The following TNPO1 variants were observed in gnomAD, a reference collection of about 807,000 sequenced individuals.
The protein encoded by TNPO1 is transportin-1.
Under a neutral mutation model 119.5 loss-of-function variants are expected in TNPO1, and 8 were observed. The observed-to-expected ratio is 0.07, with a 90% CI of 0.04 to 0.12. The LOEUF (loss-of-function observed/expected upper bound fraction) is 0.12. TNPO1 is among the 10% of genes least tolerant of loss of function. The pLI is 1.00. For synonymous variants in TNPO1, 362 were observed against 363.0 expected (o/e 1.00, Z 0.03); for missense variants, 576 against 1,089.8 (o/e 0.53, Z 6.64).
rs191295262 is a variant in TNPO1, at chr5:72,908,857, A to G, written c.*184A>G. The G allele has an allele frequency of 1.9e-4, 85 of 453,834 alleles. No homozygotes were observed. In the East Asian group the frequency reaches 5.7e-3, roughly 30 times the overall value. The allele number at this position is 453,834 out of a possible 1,614,324, so 28.1% of individuals were successfully genotyped here. On this transcript the variant is annotated 3_prime_UTR_variant, in exon 25 of 25. Coordinates refer to ENST00000337273, the MANE Select transcript of TNPO1 (RefSeq NM_002270.4). ...AGGGAGGTGTTGCCGTCACTGTATTAAGTCGATGTTGGGAAACGTTTTAAC... is the reference window on the plus strand; with the variant it reads ...AGGGAGGTGTTGCCGTCACTGTATTGAGTCGATGTTGGGAAACGTTTTAAC...
intron 3 of TNPO1, among the ~76,000 whole-genome samples, chr5:72,852,730 T>G (rs1230971370): frequency 3.3e-5 from 5 of 152,240 alleles, no homozygotes; most frequent in Non-Finnish European, 7.3e-5. Flanking sequence ...TCTTGCACGG[T>G]GATTTCTTTT....
At chr5:72,906,158 A>G (rs2112508497) in intron 24 of TNPO1, among the ~76,000 whole-genome samples, 1 of 152,002 alleles carries the variant, frequency 6.6e-6, no homozygotes, top group South Asian at 2.1e-4. Flanking sequence ...TGCTGTAACA[A>G]GGACTTTTCA....
At chr5:72,870,808 C>T (rs1330860823) in intron 6 of TNPO1, among the ~76,000 whole-genome samples, 1 of 152,052 alleles carries the variant, frequency 6.6e-6, no homozygotes, top group Non-Finnish European at 1.5e-5. Flanking sequence ...AAAAAAAATG[C>T]AAGTTAAAAG....
chr5:72,886,610 T>C (rs981482376), intron 11 of TNPO1, among the ~76,000 whole-genome samples: 3 of 152,052 alleles, frequency 2.0e-5, no homozygotes, highest in African/African-American at 7.2e-5. Flanking sequence ...TAATAGAAAA[T>C]GTTTTTGGCT....
chr5:72,852,329 C>T lies in TNPO1; in HGVS notation c.205+1010C>T, dbSNP rs146335227. Among the ~76,000 whole-genome samples, 676 of 152,152 alleles carry T rather than the reference C, an allele frequency of 4.4e-3. 5 individuals carry two copies. Among genetic ancestry groups the T allele is most frequent in the Admixed American group, 5.0e-3 (76 of 15,274 alleles). On this transcript the variant is annotated intron_variant, in intron 3 of 24. Transcript: ENST00000337273. Reference sequence around the variant, plus strand: ...CATTATTTCATAAATATTTATGGAGCGCCATCTCTGCCATGCAATTTACAG... The same window carrying T: ...CATTATTTCATAAATATTTATGGAGTGCCATCTCTGCCATGCAATTTACAG...
chr5:72,820,073 A>AT (rs1009236514), intron 1 of TNPO1, among the ~76,000 whole-genome samples: 6 of 152,036 alleles, frequency 3.9e-5, no homozygotes, highest in Non-Finnish European at 7.4e-5. Context: ...AGTTTATTGG[A>AT]TTTTTTTCAC....
At chr5:72,886,264 A>G (rs1198668959) in intron 11 of TNPO1, among the ~76,000 whole-genome samples, 3 of 152,184 alleles carry the variant, frequency 2.0e-5, no homozygotes, top group African/African-American at 7.2e-5. Context: ...AGTATTTTCT[A>G]GCATGCGTTA....
intron 1 of TNPO1, among the ~76,000 whole-genome samples, chr5:72,842,203 G>A (rs1004962745): frequency 2.6e-5 from 4 of 152,094 alleles, no homozygotes; most frequent in African/African-American, 9.7e-5. Flanking sequence ...TCACCACAAA[G>A]GTATCAAAAT....
chr5:72,870,577 G>A (rs529000186), intron 6 of TNPO1, among the ~76,000 whole-genome samples: 1 of 152,154 alleles, frequency 6.6e-6, no homozygotes, highest in African/African-American at 2.4e-5. Context: ...GTAAATGGTA[G>A]CATTTAAGTT....
intron 1 of TNPO1, among the ~76,000 whole-genome samples, chr5:72,836,639 C>T (rs2112205497): frequency 6.6e-6 from 1 of 152,308 alleles, no homozygotes; most frequent in South Asian, 2.1e-4. Context: ...TACTAATCTC[C>T]TTATCAAACA....
At chr5:72,869,864 G>T (rs1747246076) in intron 6 of TNPO1, among the ~76,000 whole-genome samples, 1 of 152,120 alleles carries the variant, frequency 6.6e-6, no homozygotes, top group African/African-American at 2.4e-5. Flanking sequence ...TAATTATTCT[G>T]CCTTTGTTAT....
At chr5:72,886,818 G>A (rs1452493538) in intron 11 of TNPO1, among the ~76,000 whole-genome samples, 1 of 146,994 alleles carries the variant, frequency 6.8e-6, no homozygotes, top group Non-Finnish European at 1.5e-5. Context: ...GAACCTGGGA[G>A]GCAGAGGTTG....
intron 6 of TNPO1, among the ~76,000 whole-genome samples, chr5:72,869,776 C>T (rs1747237946): frequency 6.6e-6 from 1 of 152,142 alleles, no homozygotes; most frequent in South Asian, 2.1e-4. Context: ...ATTCATTCTT[C>T]ACAAACAAAT....
chr5:72,826,440 A>G (rs1348396176), intron 1 of TNPO1, among the ~76,000 whole-genome samples: 1 of 152,188 alleles, frequency 6.6e-6, no homozygotes, highest in Non-Finnish European at 1.5e-5. Context: ...CTTTTCAAAA[A>G]AAGTTTACAC....
intron 1 of TNPO1, among the ~76,000 whole-genome samples, chr5:72,831,838 A>G (rs990246425): frequency 6.6e-6 from 1 of 152,060 alleles, no homozygotes; most frequent in Non-Finnish European, 1.5e-5. Context: ...CTCTAAGTAC[A>G]TTAATTGTCT....
intron 1 of TNPO1, among the ~76,000 whole-genome samples, chr5:72,831,474 T>C (rs1370789224): frequency 6.6e-6 from 1 of 152,024 alleles, no homozygotes; most frequent in Non-Finnish European, 1.5e-5. Flanking sequence ...TTTTGTACTA[T>C]TACTGTTTCT....
At chr5:72,836,918 G>A (rs566026775) in intron 1 of TNPO1, among the ~76,000 whole-genome samples, 6 of 152,124 alleles carry the variant, frequency 3.9e-5, no homozygotes, top group African/African-American at 7.2e-5. Context: ...CATATTCCTC[G>A]TTTCTGTCTC....
intron 1 of TNPO1, among the ~76,000 whole-genome samples, chr5:72,831,354 T>C (rs1744453613): frequency 6.6e-6 from 1 of 151,928 alleles, no homozygotes; most frequent in African/African-American, 2.4e-5. Flanking sequence ...TTGTTTTTTC[T>C]TATATTTCCA....
intron 11 of TNPO1, among the ~76,000 whole-genome samples, chr5:72,885,613 AT>A (rs774100602): frequency 3.3e-5 from 5 of 151,954 alleles, no homozygotes; most frequent in Non-Finnish European, 7.4e-5. Flanking sequence ...ACAGATTTAG[AT>A]TTCCTTTTGT....
Sources: gnomAD v4.1 joint callset for allele counts (sites outside exome capture counted in the v4.1 genomes callset) on GRCh38, gnomAD v4.1.1 for gene constraint, MANE v1.5 for transcripts, NCBI Gene and HGNC (gene_info 2026-07-23, HGNC 2026-07-21) for gene names.